Variants in ZFYVE9 observed in about 807,000 individuals in gnomAD.
The protein encoded by ZFYVE9 is zinc finger FYVE domain-containing protein 9.
Under a neutral mutation model 126.7 loss-of-function variants are expected in ZFYVE9, and 43 were observed. That is an observed-to-expected ratio of 0.34 (90% confidence interval 0.27 to 0.44). The LOEUF is 0.44. Ranked by LOEUF, ZFYVE9 falls within the 20% of genes least tolerant of loss-of-function variation. The probability of loss-of-function intolerance (pLI) is 1.00; values close to 1 mark genes in which losing one functional copy is unlikely to be tolerated. For synonymous variants in ZFYVE9, 521 were observed against 597.4 expected, an observed-to-expected ratio of 0.87 and a Z score of 1.87; for missense variants, 1,476 against 1,697.0, an observed-to-expected ratio of 0.87 and a Z score of 2.29.
At chr1:52,206,020 G>C (rs1319301360) in intron 1 of ZFYVE9, among the ~76,000 whole-genome samples, 1 of 152,086 alleles carries the variant, frequency 6.6e-6, no homozygotes, top group Non-Finnish European at 1.5e-5. Flanking sequence ...GATGCCATTT[G>C]CCTCAATTTA....
intron 1 of ZFYVE9, chr1:52,162,095 A>G (rs1489366783): frequency 6.3e-6 from 1 of 157,732 alleles, no homozygotes; most frequent in Non-Finnish European, 1.4e-5. Context: ...TCAGAAGCTT[A>G]GGGACATCCA....
At chr1:52,333,481 C>T (rs1646362157) in intron 14 of ZFYVE9, among the ~76,000 whole-genome samples, 1 of 152,028 alleles carries the variant, frequency 6.6e-6, no homozygotes, top group African/African-American at 2.4e-5. Context: ...AATGTGGTCT[C>T]CACACCCCAG....
intron 12 of ZFYVE9, among the ~76,000 whole-genome samples, chr1:52,296,655 C>G (rs1645978034): frequency 6.6e-6 from 1 of 152,010 alleles, no homozygotes; most frequent in African/African-American, 2.4e-5. Context: ...ATGAAGCTCC[C>G]TATGGTTGTC....
chr1:52,146,955 T>G (rs1459503004), intron 1 of ZFYVE9, among the ~76,000 whole-genome samples: 1 of 152,216 alleles, frequency 6.6e-6, no homozygotes, highest in Non-Finnish European at 1.5e-5. Flanking sequence ...CAAAACTTTT[T>G]GAGCACTGAC....
chr1:52,274,378 T>G (rs930758606), intron 7 of ZFYVE9, 86 bp from the exon 8 acceptor site: 4 of 1,432,840 alleles, frequency 2.8e-6, no homozygotes, highest in Non-Finnish European at 3.7e-6. Flanking sequence ...AGATTTTCAC[T>G]TAAGTTCCCA....
chr1:52,253,221 G>T (rs1174965360), intron 4 of ZFYVE9, among the ~76,000 whole-genome samples: 1 of 152,130 alleles, frequency 6.6e-6, no homozygotes, highest in Non-Finnish European at 1.5e-5. Context: ...GCTTCCTCTG[G>T]CAGAACAAAT....
At chr1:52,331,032 C>A (rs1646336394) in intron 13 of ZFYVE9, among the ~76,000 whole-genome samples, 1 of 151,890 alleles carries the variant, frequency 6.6e-6, no homozygotes, top group Non-Finnish European at 1.5e-5. Flanking sequence ...ACACCCAGCT[C>A]ATTTTTTTGT....
At chr1:52,255,945 TTTCTTTTCTTTTC>T (rs1389104176) in intron 4 of ZFYVE9, among the ~76,000 whole-genome samples, 2 of 123,716 alleles carry the variant, frequency 1.6e-5, no homozygotes, top group Non-Finnish European at 3.1e-5. Context: ...TTTCTTTTCT[TTTCTTTTCTTTTC>T]TTTTCTTTTC....
intron 10 of ZFYVE9, among the ~76,000 whole-genome samples, chr1:52,288,581 C>G (rs1645886106): frequency 1.3e-5 from 2 of 152,198 alleles, no homozygotes; most frequent in South Asian, 4.1e-4. Context: ...AAGAAGCTTT[C>G]TAAATTCTTT....
At chr1:52,290,878 T>C (rs1243433244) in intron 10 of ZFYVE9, among the ~76,000 whole-genome samples, 1 of 152,212 alleles carries the variant, frequency 6.6e-6, no homozygotes, top group Non-Finnish European at 1.5e-5. Context: ...ATTTATTCTT[T>C]ATAACACATC....
At chr1:52,163,932 T>G (rs1335810739) in intron 1 of ZFYVE9, among the ~76,000 whole-genome samples, 1 of 152,118 alleles carries the variant, frequency 6.6e-6, no homozygotes, top group East Asian at 1.9e-4. Context: ...TGTTAAAAAT[T>G]GACCATATTG....
In ZFYVE9 at chr1:52,314,479, C is replaced by T. The variant is rs991153753; in HGVS notation, c.3438+10554C>T. On this transcript the variant is annotated intron_variant, in intron 13 of 18. Transcript: ENST00000287727. Reference sequence around the variant, plus strand: ...GGCGGATCACTTGAGGCCAAGAGTTCGAGACCAAACTGGCTAACATGGTGA... The same window carrying T: ...GGCGGATCACTTGAGGCCAAGAGTTTGAGACCAAACTGGCTAACATGGTGA... Among the ~76,000 whole-genome samples, 7 of 152,260 alleles carry T rather than the reference C, an allele frequency of 4.6e-5. No individual in the cohort carries two copies. In the South Asian group the frequency reaches 1.5e-3, roughly 32 times the overall value.
chr1:52,312,173 C>G lies in ZFYVE9; in HGVS notation c.3438+8248C>G, dbSNP rs1161359698. 3.9e-5 allele frequency among the ~76,000 whole-genome samples: 6 copies of G among 152,102 alleles called. No homozygotes were observed. The East Asian group carries it at 1.2e-3, about 29-fold the overall frequency. ...GGATGTATCTAACTTCCCAATATAGCTAAATTCCCTTAGGATGTAGAGGAC... is the reference window on the plus strand; with the variant it reads ...GGATGTATCTAACTTCCCAATATAGGTAAATTCCCTTAGGATGTAGAGGAC... On this transcript the variant is annotated intron_variant, in intron 13 of 18. Coordinates refer to ENST00000287727, the MANE Select transcript of ZFYVE9 (RefSeq NM_004799.4).
intron 8 of ZFYVE9, among the ~76,000 whole-genome samples, chr1:52,276,453 G>A (rs1645749601): frequency 6.6e-6 from 1 of 152,092 alleles, no homozygotes; most frequent in South Asian, 2.1e-4. Flanking sequence ...GATCCAGTTG[G>A]CAAGTCATTC....
At chr1:52,208,502 CTTT>C (rs113585987) in intron 1 of ZFYVE9, among the ~76,000 whole-genome samples, 4 of 139,332 alleles carry the variant, frequency 2.9e-5, no homozygotes, top group Admixed American at 1.4e-4. Flanking sequence ...AATTGTTCTT[CTTT>C]TTTTTTTTTT....
intron 2 of ZFYVE9, among the ~76,000 whole-genome samples, chr1:52,220,528 C>T (rs1040085653): frequency 6.6e-6 from 1 of 152,138 alleles, no homozygotes; most frequent in Non-Finnish European, 1.5e-5. Flanking sequence ...GGTTTCTTCC[C>T]GTGGGAGGCT....
chr1:52,178,148 T>C (rs1325090468), intron 1 of ZFYVE9, among the ~76,000 whole-genome samples: 3 of 151,250 alleles, frequency 2.0e-5, no homozygotes, highest in African/African-American at 4.8e-5. Flanking sequence ...GTGTGGTGGC[T>C]GGCGCCTGTA....
chr1:52,311,795 A>T (rs1646139227), intron 13 of ZFYVE9, among the ~76,000 whole-genome samples: 1 of 150,530 alleles, frequency 6.6e-6, no homozygotes, highest in Non-Finnish European at 1.5e-5. Context: ...ATTTTTATTT[A>T]TTTATTTTTT....
chr1:52,306,654 G>A (rs1320400178), intron 13 of ZFYVE9, among the ~76,000 whole-genome samples: 2 of 152,258 alleles, frequency 1.3e-5, no homozygotes, highest in Non-Finnish European at 2.9e-5. Flanking sequence ...GGGAACCCAA[G>A]CTTGGGAGCT....
Sources: allele counts gnomAD v4.1 joint callset (sites outside exome capture counted in the v4.1 genomes callset), GRCh38; gene constraint gnomAD v4.1.1; transcripts MANE v1.5; gene names NCBI Gene and HGNC (gene_info 2026-07-23, HGNC 2026-07-21).